HSPA12A: variants seen among roughly 807,000 people sequenced by gnomAD.
HSPA12A encodes the protein heat shock protein family A (Hsp70) member 12A, also known as heat shock 70 kDa protein 12A.
Under a neutral mutation model 69.2 loss-of-function variants are expected in HSPA12A, and 28 were observed. The observed-to-expected ratio is 0.40, with a 90% CI of 0.30 to 0.55. The LOEUF (loss-of-function observed/expected upper bound fraction) is 0.55. Ranked by LOEUF, HSPA12A falls within the 20% of genes least tolerant of loss-of-function variation. HSPA12A has a pLI of 0.38. For missense variants in HSPA12A, 686 were observed against 900.7 expected (o/e 0.76, Z 3.05); for synonymous variants, 345 against 370.5 (o/e 0.93, Z 0.79).
chr10:116,841,674 A>C (rs1436671497), intron 1 of HSPA12A, among the ~76,000 whole-genome samples: 2 of 152,238 alleles, frequency 1.3e-5, no homozygotes, highest in African/African-American at 2.4e-5. Flanking sequence ...AAATCAATAC[A>C]GGTAAATTTG....
At chr10:116,681,605 C>T (rs1849403246) in intron 8 of HSPA12A, among the ~76,000 whole-genome samples, 186 bp downstream of exon 8, 1 of 152,214 alleles carries the variant, frequency 6.6e-6, no homozygotes, top group Non-Finnish European at 1.5e-5. Context: ...TGATCAATTC[C>T]AATCCCTACC....
At chr10:116,751,910 G>A (rs1851784821) in intron 2 of HSPA12A, among the ~76,000 whole-genome samples, 1 of 152,086 alleles carries the variant, frequency 6.6e-6, no homozygotes, top group Non-Finnish European at 1.5e-5. Flanking sequence ...CACCATAATT[G>A]TAAGCTTCTT....
intron 2 of HSPA12A, among the ~76,000 whole-genome samples, chr10:116,834,781 G>A (rs1197564359): frequency 2.6e-5 from 4 of 152,178 alleles, no homozygotes; most frequent in African/African-American, 9.7e-5. Context: ...GAACAAGCAG[G>A]TTTTGCAGCA....
chr10:116,766,865 A>G (rs1248105638), intron 2 of HSPA12A, among the ~76,000 whole-genome samples: 3 of 152,230 alleles, frequency 2.0e-5, no homozygotes, highest in Admixed American at 2.0e-4. Flanking sequence ...CTTAAAAAGA[A>G]AAAGCTCACA....
At chr10:116,685,084 G>A (rs1300961303) in intron 6 of HSPA12A, among the ~76,000 whole-genome samples, 2 of 152,214 alleles carry the variant, frequency 1.3e-5, no homozygotes, top group South Asian at 2.1e-4. Flanking sequence ...TGCCACTGCC[G>A]TGGTGCTGAC....
At chr10:116,809,638 C>G (rs897878163) in intron 2 of HSPA12A, among the ~76,000 whole-genome samples, 9 of 152,192 alleles carry the variant, frequency 5.9e-5, no homozygotes, top group Non-Finnish European at 1.0e-4. Flanking sequence ...GGACTGTCTG[C>G]GGGGGAAACC....
intron 5 of HSPA12A, chr10:116,698,402 T>C (rs74158820): frequency 0.037 from 15,433 of 417,982 alleles, 355 homozygotes; most frequent in South Asian, 0.074. Context: ...ACGGTAACTC[T>C]GTGCTTTACT....
chr10:116,734,226 A>AG (rs1371182736), intron 1 of HSPA12A, among the ~76,000 whole-genome samples: 1 of 149,696 alleles, frequency 6.7e-6, no homozygotes, highest in Non-Finnish European at 1.5e-5. Flanking sequence ...CAAGACAGGC[A>AG]GATCACCAAG....
intron 2 of HSPA12A, among the ~76,000 whole-genome samples, chr10:116,747,807 T>C (rs969249550): frequency 1.3e-5 from 2 of 152,028 alleles, no homozygotes; most frequent in African/African-American, 4.8e-5. Flanking sequence ...GAGACCAGCC[T>C]GGCCAACATG....
Position 116,690,348 on chromosome 10 carries a change from C to T in HSPA12A, c.663+2003G>A, listed in dbSNP as rs548864393. ...TATAGAATCCAGTGCCTACCACGGT[C>T]CTGACAGAGAGATAGGCCTCTAGTT... On this transcript the variant is annotated intron_variant, in intron 6 of 11. Transcript: ENST00000369209. Among the ~76,000 whole-genome samples the T allele has an allele frequency of 4.6e-5, 7 of 152,254 alleles. No homozygotes were observed. The South Asian group carries it at 8.3e-4, about 18-fold the overall frequency.
At chr10:116,802,565 G>A (rs922457685) in intron 2 of HSPA12A, among the ~76,000 whole-genome samples, 18 of 152,180 alleles carry the variant, frequency 1.2e-4, no homozygotes, top group African/African-American at 4.3e-4. Context: ...ACATTACAAT[G>A]AGAATGTGTT....
intron 7 of HSPA12A, 90 bp downstream of exon 7, chr10:116,683,701 C>T (rs1849485743): frequency 7.7e-7 from 1 of 1,292,978 alleles, no homozygotes; most frequent in Non-Finnish European, 1.0e-6. Context: ...CATTATGGCA[C>T]TAAGTGCCTT....
chr10:116,850,379 C>G (rs1846042635), upstream of HSPA12A: 1 of 153,908 alleles, frequency 6.5e-6, no homozygotes, highest in Non-Finnish European at 1.4e-5. Flanking sequence ...CCTGTGAGCC[C>G]CTGCTGGGCT....
intron 2 of HSPA12A, among the ~76,000 whole-genome samples, chr10:116,773,127 CT>C (rs1258546695): frequency 3.3e-5 from 5 of 152,224 alleles, no homozygotes; most frequent in African/African-American, 7.2e-5. Context: ...TTGACTCCCC[CT>C]GGGCCCTCCT....
At chr10:116,796,394 G>A (rs1360322330) in intron 2 of HSPA12A, among the ~76,000 whole-genome samples, 2 of 152,010 alleles carry the variant, frequency 1.3e-5, no homozygotes, top group African/African-American at 4.8e-5. Context: ...AAGACAACGG[G>A]TCTTCGGGTC....
intron 1 of HSPA12A, among the ~76,000 whole-genome samples, chr10:116,733,329 A>G (rs1459041800): frequency 1.3e-5 from 2 of 152,172 alleles, no homozygotes; most frequent in African/African-American, 4.8e-5. Flanking sequence ...GGCCAGCCTG[A>G]GGCCTCAGAG....
At chr10:116,712,878 C>T (rs998332609) in intron 1 of HSPA12A, among the ~76,000 whole-genome samples, 1 of 150,758 alleles carries the variant, frequency 6.6e-6, no homozygotes, top group Non-Finnish European at 1.5e-5. Context: ...TTTCTCTAAA[C>T]AGTCCTTCTT....
chr10:116,826,558 C>G (rs1207816987), intron 2 of HSPA12A, among the ~76,000 whole-genome samples: 2 of 152,094 alleles, frequency 1.3e-5, no homozygotes, highest in Non-Finnish European at 2.9e-5. Context: ...CACAGAAGTA[C>G]CAAAGGGAAG....
At chr10:116,713,499 G>C (rs1850510459) in intron 1 of HSPA12A, among the ~76,000 whole-genome samples, 1 of 152,152 alleles carries the variant, frequency 6.6e-6, no homozygotes, top group Admixed American at 6.5e-5. Context: ...GCAGCATCAG[G>C]CCCATCCTGA....
Sources: gnomAD v4.1 joint callset for allele counts (sites outside exome capture counted in the v4.1 genomes callset) on GRCh38, gnomAD v4.1.1 for gene constraint, MANE v1.5 for transcripts, NCBI Gene and HGNC (gene_info 2026-07-23, HGNC 2026-07-21) for gene names.